VPS13D: variants seen among roughly 807,000 people sequenced by gnomAD.
VPS13D encodes intermembrane lipid transfer protein VPS13D.
Under a neutral mutation model 461.9 loss-of-function variants are expected in VPS13D, and 187 were observed. The observed-to-expected ratio is 0.40, with a 90% CI of 0.36 to 0.46. The LOEUF is 0.46. Ranked by LOEUF, VPS13D falls within the 20% of genes least tolerant of loss-of-function variation. The pLI, the probability that VPS13D is intolerant of heterozygous loss-of-function variation, is 0.60. For synonymous variants in VPS13D, 1,951 were observed against 1,986.3 expected, an observed-to-expected ratio of 0.98 and a Z score of 0.47; for missense variants, 4,711 against 5,364.9, an observed-to-expected ratio of 0.88 and a Z score of 3.81.
chr1:12,267,369 C>T (rs549621395), intron 14 of VPS13D, among the ~76,000 whole-genome samples: 46 of 152,058 alleles, frequency 3.0e-4, no homozygotes, highest in African/African-American at 1.1e-3. Context: ...TCGCCAGGGT[C>T]CCAAAACAGA....
intron 36 of VPS13D, 93 bp downstream of exon 36, chr1:12,327,947 A>G (rs1340377430): frequency 8.3e-6 from 10 of 1,208,432 alleles, no homozygotes; most frequent in Middle Eastern, 2.9e-4. Context: ...TTCATACTCT[A>G]TTTAGTCATT....
At chr1:12,389,069 C>G (rs919925508) in intron 60 of VPS13D, among the ~76,000 whole-genome samples, 2 of 152,154 alleles carry the variant, frequency 1.3e-5, no homozygotes, top group African/African-American at 2.4e-5. Flanking sequence ...AGAACCAGTC[C>G]GAGTCCCAAA....
chr1:12,325,679 T>A (rs1050550504), intron 35 of VPS13D, among the ~76,000 whole-genome samples: 1 of 152,226 alleles, frequency 6.6e-6, no homozygotes, highest in African/African-American at 2.4e-5. Context: ...TAAAAATATT[T>A]TATTGAATTA....
intron 65 of VPS13D, among the ~76,000 whole-genome samples, chr1:12,424,567 C>T (rs1474670926): frequency 6.6e-6 from 1 of 152,046 alleles, no homozygotes; most frequent in Non-Finnish European, 1.5e-5. Context: ...ATGAAGGAGC[C>T]AGGTGAGCAG....
chr1:12,264,678 C>T lies in VPS13D; in HGVS notation c.1595-2203C>T, dbSNP rs138529300. 4.1e-3 allele frequency among the ~76,000 whole-genome samples: 624 copies of T among 152,286 alleles called. 8 individuals are homozygous for T. Among genetic ancestry groups the T allele is most frequent in the African/African-American group, 0.014 (581 of 41,562 alleles). Reference sequence around the variant, plus strand: ...AGTTTGAAGCTAGCAGAGGCTGGTTCATGAGTTTGAAGGAAAGAAGCCATC... The same window carrying T: ...AGTTTGAAGCTAGCAGAGGCTGGTTTATGAGTTTGAAGGAAAGAAGCCATC... On this transcript the variant is annotated intron_variant, in intron 13 of 69. Transcript: ENST00000620676.
rs1284566503 is a variant in VPS13D, at chr1:12,343,046, A to G, written c.8880A>G (p.Arg2960=). ...PFEFEARGKL[R]HRHTHDLRIH... ...AATTTGAAGCAAGAGGAAAGTTAAG[A>G]CACAGGTAAAGTATGGTTTATTCTT... The change falls in exon 42 of 70, where the codon AGA becomes AGG. Residue 2960 remains arginine, a synonymous_variant. Coordinates refer to ENST00000620676, the MANE Select transcript of VPS13D (RefSeq NM_015378.4). 2.5e-6 allele frequency: 4 copies of G among 1,612,142 alleles called. No homozygotes were observed. Among genetic ancestry groups the G allele is most frequent in the Non-Finnish European group, 3.4e-6 (4 of 1,178,656 alleles).
intron 2 of VPS13D, among the ~76,000 whole-genome samples, chr1:12,241,143 G>T (rs1424127300): frequency 6.6e-6 from 1 of 151,876 alleles, no homozygotes; most frequent in South Asian, 2.1e-4. Context: ...GGGTCTTGCC[G>T]TATTGCCCAG....
chr1:12,233,802 C>A (rs1640061375), intron 1 of VPS13D, among the ~76,000 whole-genome samples: 1 of 152,148 alleles, frequency 6.6e-6, no homozygotes, highest in Non-Finnish European at 1.5e-5. Context: ...AATCCCAGCA[C>A]TTTGGGTGGC....
Position 12,276,954 on chromosome 1 carries a change from A to G in VPS13D, c.3366A>G (p.Leu1122=), listed in dbSNP as rs772284951. Residue 1122 remains leucine (L), a synonymous_variant, in exon 19 of 70, where the codon CTA becomes CTG. Transcript: ENST00000620676. This position sits in a 1 kb window ranked among gnomAD's most constrained non-coding sequence, Gnocchi z 4.5. ...IILNPETIVE[L]IGFLQKSFPK... The stretch of plus-strand genomic sequence containing the variant: ...TCAATCCAGAGACGATTGTGGAGCT[A>G]ATTGGTTTTCTTCAAAAATCCTTTC... The G allele has an allele frequency of 1.9e-6, 3 of 1,614,032 alleles. No homozygotes were observed. Among genetic ancestry groups the G allele is most frequent in the South Asian group, 2.2e-5 (2 of 91,080 alleles).
chr1:12,257,909 G>A, intron 9 of VPS13D, 26 bp from the exon 10 acceptor site: 1 of 1,612,872 alleles, frequency 6.2e-7, no homozygotes, highest in Non-Finnish European at 8.5e-7. Context: ...TGTAAGAAGT[G>A]ATTACATCGT....
rs781437829 is a variant in VPS13D at position 12,400,293 on chromosome 1, A to G, written c.11747A>G (p.Lys3916Arg). The G allele has an allele frequency of 3.1e-6, 5 of 1,614,054 alleles. No individual in the cohort carries two copies. The East Asian group carries it at 1.1e-4, about 36-fold the overall frequency. Reference protein sequence around the residue: ...TGPAVQVNAVKFPSKSALTNI... With the variant: ...TGPAVQVNAVRFPSKSALTNI... Reference sequence around the variant, plus strand: ...CCAGCTGTGCAAGTCAACGCAGTGAAGTTCCCCAGTAAGAGTGCACTGACC... The same window carrying G: ...CCAGCTGTGCAAGTCAACGCAGTGAGGTTCCCCAGTAAGAGTGCACTGACC... Residue 3916 changes from lysine to arginine, a missense_variant, in exon 61 of 70, where the codon AAG becomes AGG. Physicochemically the swap from Lys to Arg is conservative, Grantham distance 26. This residue lies in a region of VPS13D where 4,411 missense variants were observed against 4,937.8 expected (regional missense o/e 0.89). Coordinates refer to ENST00000620676, the MANE Select transcript of VPS13D (RefSeq NM_015378.4).
intron 68 of VPS13D, chr1:12,500,178 A>T: frequency 1.0e-6 from 1 of 984,474 alleles, no homozygotes; most frequent in Non-Finnish European, 1.2e-6. Context: ...TAATTTTGTC[A>T]TTCTATTTAA....
At chr1:12,430,788 A>G (rs970287457) in intron 65 of VPS13D, among the ~76,000 whole-genome samples, 7 of 152,188 alleles carry the variant, frequency 4.6e-5, no homozygotes, top group South Asian at 2.1e-4. Flanking sequence ...GCTTGGTTCT[A>G]TAGTCTCAGC....
At chr1:12,413,898 G>A (rs988025587) in intron 63 of VPS13D, among the ~76,000 whole-genome samples, 9 of 152,044 alleles carry the variant, frequency 5.9e-5, no homozygotes, top group Non-Finnish European at 8.8e-5. Context: ...AAACTGTTTG[G>A]CAGAATATAT....
rs1646156281 is a variant in VPS13D, at chr1:12,509,452, A to T, written c.*428A>T. On this transcript the variant is annotated 3_prime_UTR_variant, in exon 70 of 70. Coordinates refer to ENST00000620676, the MANE Select transcript of VPS13D (RefSeq NM_015378.4). The stretch of plus-strand genomic sequence containing the variant: ...GGATCTTCTATTGCACTAATTCTAG[A>T]TGTCTAATTCAGGATACTGTCTATA... 1 of 154,074 alleles carries T rather than the reference A, an allele frequency of 6.5e-6. No individual in the cohort carries two copies. Among genetic ancestry groups the T allele is most frequent in the South Asian group, 2.0e-4 (1 of 4,898 alleles). 9.5% of individuals were successfully genotyped at this position (154,074 alleles called of 1,614,324 possible).
Position 12,358,543 on chromosome 1 carries a change from T to C in VPS13D, c.10083T>C (p.Gly3361=). 1 of 1,614,170 alleles carries C rather than the reference T, an allele frequency of 6.2e-7. No individual in the cohort carries two copies. The highest frequency in any genetic ancestry group is 8.5e-7 in the Non-Finnish European group (1 of 1,180,028). ...CQGFSLDGGS[G]VRALKVIQQG... is the part of the protein sequence containing the mutation. ...GCTTCTCCCTGGATGGTGGTAGTGG[T>C]GTCCGAGCTTTGAAAGTCATCCAGC... is the stretch of plus-strand genomic sequence containing the variant. The change falls in exon 50 of 70, where the codon GGT becomes GGC. Residue 3361 remains glycine (G), a synonymous_variant. Transcript: ENST00000620676.
chr1:12,386,724 C>T (rs1387116284), intron 60 of VPS13D, among the ~76,000 whole-genome samples: 19 of 152,142 alleles, frequency 1.2e-4, no homozygotes, highest in Admixed American at 1.2e-3. Context: ...ATTTACCCTC[C>T]CACCTGAAAC....
Position 12,266,921 on chromosome 1 carries a change from C to T in VPS13D, c.1635C>T (p.Ser545=). ...LLAESLPRRN[S]SLLSVRLGGL... is the part of the protein sequence containing the mutation. Reference sequence around the variant, plus strand: ...CAGAGTCTCTTCCTCGAAGAAATTCCTCGTTGCTTTCAGTCCGGTTGGGTG... The same window carrying T: ...CAGAGTCTCTTCCTCGAAGAAATTCTTCGTTGCTTTCAGTCCGGTTGGGTG... The change falls in exon 14 of 70, where the codon TCC becomes TCT. Residue 545 remains serine (S), a synonymous_variant. Coordinates refer to ENST00000620676, the MANE Select transcript of VPS13D (RefSeq NM_015378.4). The T allele has an allele frequency of 6.2e-7, 1 of 1,604,572 alleles. No individual in the cohort carries two copies.
At position 12,318,155 on chromosome 1, in the gene VPS13D, A is replaced by G. The variant is rs748468877; in HGVS notation, c.7232A>G (p.His2411Arg). Residue 2411 changes from histidine to arginine, a missense_variant, in exon 31 of 70, where the codon CAT (histidine) becomes CGT (arginine). This residue lies in a region of VPS13D where 4,411 missense variants were observed against 4,937.8 expected (regional missense o/e 0.89). Transcript: ENST00000620676. Reference sequence around the variant, plus strand: ...ATATTTGACTGGCTACTGTTAGTCCATGATTTTCTCCACACTCCCAGTGAT... The same window carrying G: ...ATATTTGACTGGCTACTGTTAGTCCGTGATTTTCTCCACACTCCCAGTGAT... ...FLIFDWLLLV[H>R]DFLHTPSDIK... 5 of 1,614,154 alleles carry G rather than the reference A, an allele frequency of 3.1e-6. No individual in the cohort carries two copies. Among genetic ancestry groups the G allele is most frequent in the South Asian group, 1.1e-5 (1 of 91,082 alleles).
Sources: allele counts gnomAD v4.1 joint callset (sites outside exome capture counted in the v4.1 genomes callset), GRCh38; gene constraint gnomAD v4.1.1; regional missense constraint gnomAD v4.1.1; non-coding constraint Gnocchi (gnomAD v3.1); transcripts MANE v1.5; gene names NCBI Gene and HGNC (gene_info 2026-07-23, HGNC 2026-07-21).